Variants in CCDC30 observed in about 807,000 individuals in gnomAD.
CCDC30 encodes the protein coiled-coil domain-containing protein 30.
A neutral mutation model predicts 100.2 loss-of-function variants in CCDC30; 70 were observed. That is an observed-to-expected ratio of 0.70 (90% confidence interval 0.58 to 0.85). The LOEUF (loss-of-function observed/expected upper bound fraction) is 0.85. Among genes scored for constraint, CCDC30 ranks in the 40% least tolerant of loss-of-function variants. The pLI is 0.00. For synonymous variants in CCDC30, 233 were observed against 269.5 expected (o/e 0.86, Z 1.33); for missense variants, 652 against 771.2 (o/e 0.85, Z 1.83).
intron 11 of CCDC30, among the ~76,000 whole-genome samples, chr1:42,614,272 G>A (rs1023796173): frequency 6.6e-6 from 1 of 151,572 alleles, no homozygotes; most frequent in African/African-American, 2.4e-5. Flanking sequence ...ATTACAGACA[G>A]GGTTTCACCG....
At chr1:42,640,160 A>T (rs966921320) in intron 12 of CCDC30, among the ~76,000 whole-genome samples, 3 of 152,172 alleles carry the variant, frequency 2.0e-5, no homozygotes, top group African/African-American at 7.2e-5. Flanking sequence ...CACTGAGCAT[A>T]AAAATGCCAG....
At chr1:42,600,920 G>A (rs930161123) in intron 10 of CCDC30, among the ~76,000 whole-genome samples, 12 of 150,142 alleles carry the variant, frequency 8.0e-5, no homozygotes, top group African/African-American at 2.7e-4. Flanking sequence ...TTCACCTTCC[G>A]CCGTGATTGT....
chr1:42,655,367 C>T (rs1373557997), downstream of CCDC30, among the ~76,000 whole-genome samples: 7 of 151,958 alleles, frequency 4.6e-5, no homozygotes, highest in Admixed American at 4.6e-4. Flanking sequence ...CTTAGGGAAA[C>T]CCCGTCTCTA....
chr1:42,610,691 C>A lies in CCDC30; in HGVS notation c.1165-287C>A, dbSNP rs547265149. Among the ~76,000 whole-genome samples, 3 of 152,248 alleles carry A rather than the reference C, an allele frequency of 2.0e-5. 1 individual carries two copies. Among genetic ancestry groups the A allele is most frequent in the Admixed American group, 2.0e-4 (3 of 15,294 alleles). ...ATGCCTGCCTCAGCCTCCCAAAGTC[C>A]TGGGATTATGGGTGTGAGTCATCAC... On this transcript the variant is annotated intron_variant, in intron 10 of 16. Transcript: ENST00000668663.
intron 9 of CCDC30, among the ~76,000 whole-genome samples, chr1:42,582,059 CAAAAAAA>C (rs770972866): frequency 1.0e-5 from 1 of 99,092 alleles, no homozygotes; most frequent in Admixed American, 1.1e-4. Context: ...TTGTCTATAC[CAAAAAAA>C]AAAAAAAAAA....
chr1:42,550,649 A>G (rs1645232620), intron 6 of CCDC30, among the ~76,000 whole-genome samples: 1 of 152,264 alleles, frequency 6.6e-6, no homozygotes, highest in African/African-American at 2.4e-5. Flanking sequence ...TAGGCAAATT[A>G]TAACTCCTAC....
chr1:42,548,215 G>A (rs1322993730), intron 6 of CCDC30, among the ~76,000 whole-genome samples: 2 of 152,214 alleles, frequency 1.3e-5, no homozygotes, highest in Admixed American at 1.3e-4. Context: ...TGGACAGTGG[G>A]AAACTACTAC....
At chr1:42,534,524 T>C (rs549306539) in intron 6 of CCDC30, among the ~76,000 whole-genome samples, 14 of 152,246 alleles carry the variant, frequency 9.2e-5, no homozygotes, top group Non-Finnish European at 1.9e-4. Context: ...TACACTAGGA[T>C]TTTAGTATCC....
intron 11 of CCDC30, among the ~76,000 whole-genome samples, chr1:42,624,239 T>G (rs771512313): frequency 2.0e-5 from 3 of 152,172 alleles, no homozygotes; most frequent in Non-Finnish European, 4.4e-5. Context: ...GTCCCCAGTT[T>G]CTTGAGAGTT....
At chr1:42,641,595 A>G (rs761928303) in intron 12 of CCDC30, among the ~76,000 whole-genome samples, 2 of 152,120 alleles carry the variant, frequency 1.3e-5, no homozygotes, top group Non-Finnish European at 2.9e-5. Flanking sequence ...AGCTGGACGC[A>G]GTGCCTCACG....
chr1:42,507,173 C>T (rs553554523), intron 6 of CCDC30, among the ~76,000 whole-genome samples: 126 of 152,228 alleles, frequency 8.3e-4, no homozygotes, highest in African/African-American at 2.9e-3. Context: ...GTGATCCATC[C>T]GCCTTGGCCT....
At chr1:42,480,554 G>A in exon 2 of CCDC30, 1 of 949,886 alleles carries the variant, frequency 1.1e-6, no homozygotes, top group Non-Finnish European at 1.3e-6. Flanking sequence ...CTCCCAAAAT[G>A]CTGGAATTAC....
intron 11 of CCDC30, among the ~76,000 whole-genome samples, chr1:42,629,070 A>G (rs1411942324): frequency 2.6e-5 from 4 of 152,214 alleles, no homozygotes; most frequent in African/African-American, 9.6e-5. Context: ...TACACACTAC[A>G]GTTACAGTGT....
chr1:42,465,147 C>T (rs1452616622), intron 1 of CCDC30, among the ~76,000 whole-genome samples: 1 of 151,980 alleles, frequency 6.6e-6, no homozygotes, highest in Non-Finnish European at 1.5e-5. Context: ...CCTGACTCTA[C>T]AAAAAATGCA....
chr1:42,500,417 C>T, intron 6 of CCDC30: 1 of 912,040 alleles, frequency 1.1e-6, no homozygotes, highest in Non-Finnish European at 1.8e-6. Context: ...ACCGAGTTCT[C>T]TCTTTTTTTT....
intron 11 of CCDC30, among the ~76,000 whole-genome samples, chr1:42,620,231 G>A (rs971778090): frequency 1.3e-5 from 2 of 152,146 alleles, no homozygotes; most frequent in African/African-American, 4.8e-5. Flanking sequence ...AGATGCTGAG[G>A]TCTACTTGAG....
intron 7 of CCDC30, among the ~76,000 whole-genome samples, chr1:42,568,561 G>A (rs1056446817): frequency 3.3e-5 from 5 of 152,024 alleles, no homozygotes; most frequent in Non-Finnish European, 1.5e-5. Flanking sequence ...TAGACATCTT[G>A]CCATATTACA....
intron 3 of CCDC30, among the ~76,000 whole-genome samples, chr1:42,485,317 T>C (rs1644032475): frequency 6.6e-6 from 1 of 152,118 alleles, no homozygotes; most frequent in Non-Finnish European, 1.5e-5. Flanking sequence ...TGAGAAAAAC[T>C]AATACATTGG....
intron 6 of CCDC30, among the ~76,000 whole-genome samples, chr1:42,502,731 G>T (rs747576232): frequency 2.0e-5 from 3 of 152,034 alleles, no homozygotes; most frequent in Non-Finnish European, 4.4e-5. Flanking sequence ...AACCACTAAA[G>T]TACTTTCTGC....
Sources: allele counts gnomAD v4.1 joint callset (sites outside exome capture counted in the v4.1 genomes callset), GRCh38; gene constraint gnomAD v4.1.1; transcripts MANE v1.5; gene names NCBI Gene and HGNC (gene_info 2026-07-23, HGNC 2026-07-21).